Variants in PDE1C observed in about 807,000 individuals in gnomAD.
The protein encoded by PDE1C is phosphodiesterase 1C, also known as dual specificity calcium/calmodulin-dependent 3',5'-cyclic nucleotide phosphodiesterase 1C.
Under a neutral mutation model 93.1 loss-of-function variants are expected in PDE1C, and 62 were observed. That is an observed-to-expected ratio of 0.67 (90% confidence interval 0.54 to 0.82). The LOEUF (loss-of-function observed/expected upper bound fraction) is 0.82, where lower values mean the gene tolerates loss of function less well. Ranked by LOEUF, PDE1C falls within the 40% of genes least tolerant of loss-of-function variation. The probability of loss-of-function intolerance (pLI) is 0.00; values close to 1 mark genes in which losing one functional copy is unlikely to be tolerated. For missense variants in PDE1C, 742 were observed against 884.6 expected, an observed-to-expected ratio of 0.84 and a Z score of 2.04; for synonymous variants, 325 against 310.1, an observed-to-expected ratio of 1.05 and a Z score of -0.50.
chr7:32,350,547 AATATATAT>A (rs1180195472), intron 1 of PDE1C, among the ~76,000 whole-genome samples: 1 of 41,080 alleles, frequency 2.4e-5, no homozygotes, highest in African/African-American at 1.2e-4. Flanking sequence ...GCATTTGACT[AATATATAT>A]ATATATATAT....
chr7:32,357,811 A>G (rs1784061026), intron 1 of PDE1C, among the ~76,000 whole-genome samples: 1 of 152,182 alleles, frequency 6.6e-6, no homozygotes, highest in African/African-American at 2.4e-5. Context: ...CCAAGCTATC[A>G]GGTAGACATC....
chr7:31,955,599 A>T (rs2129020815), intron 2 of PDE1C, among the ~76,000 whole-genome samples: 1 of 152,302 alleles, frequency 6.6e-6, no homozygotes, highest in African/African-American at 2.4e-5. Flanking sequence ...CTTAAAATTT[A>T]AAAATTCCAA....
At chr7:32,401,080 T>C (rs1199315963) in intron 1 of PDE1C, among the ~76,000 whole-genome samples, 1 of 152,278 alleles carries the variant, frequency 6.6e-6, no homozygotes, top group Non-Finnish European at 1.5e-5. Context: ...TGCACTGTTA[T>C]CTAAAATAGT....
chr7:32,328,650 C>A (rs898897868), intron 1 of PDE1C, among the ~76,000 whole-genome samples: 1 of 152,136 alleles, frequency 6.6e-6, no homozygotes, highest in Non-Finnish European at 1.5e-5. Context: ...CCCATCCCCA[C>A]TCCACCCCTT....
intron 7 of PDE1C, among the ~76,000 whole-genome samples, chr7:31,855,240 T>G: frequency 6.6e-6 from 1 of 152,188 alleles, no homozygotes; most frequent in East Asian, 1.9e-4. Flanking sequence ...CCAAGAGTAT[T>G]CAGGGCATTG....
chr7:32,103,471 C>A (rs914592757), intron 3 of PDE1C, among the ~76,000 whole-genome samples: 2 of 152,096 alleles, frequency 1.3e-5, no homozygotes. Context: ...CCCACTTATG[C>A]CCAGGTAGCA....
chr7:32,058,303 A>C (rs1159938411), intron 1 of PDE1C, among the ~76,000 whole-genome samples: 1 of 152,192 alleles, frequency 6.6e-6, no homozygotes, highest in Non-Finnish European at 1.5e-5. Flanking sequence ...CTCAGCCCTC[A>C]GTTCTCTCAA....
At chr7:32,115,187 T>A (rs1350012000) in intron 3 of PDE1C, among the ~76,000 whole-genome samples, 2 of 152,102 alleles carry the variant, frequency 1.3e-5, no homozygotes, top group East Asian at 3.9e-4. Flanking sequence ...CAGCACTATT[T>A]ACAATAGCAA....
chr7:32,270,983 A>C (rs1381138294), intron 1 of PDE1C, among the ~76,000 whole-genome samples: 2 of 151,930 alleles, frequency 1.3e-5, no homozygotes, highest in Admixed American at 6.6e-5. Flanking sequence ...AAAGAAAAAA[A>C]AAAAATTAGC....
chr7:32,360,126 G>A (rs560321584), intron 1 of PDE1C, among the ~76,000 whole-genome samples: 1 of 152,254 alleles, frequency 6.6e-6, no homozygotes, highest in East Asian at 1.9e-4. Flanking sequence ...CCACCACTTA[G>A]AGGGCAGAGA....
At chr7:31,991,625 C>T (rs1218611574) in intron 2 of PDE1C, among the ~76,000 whole-genome samples, 2 of 152,210 alleles carry the variant, frequency 1.3e-5, no homozygotes, top group Admixed American at 1.3e-4. Context: ...GGCTCCCTTC[C>T]ATTCCTCCAT....
chr7:31,782,347 A>T (rs1158922), intron 16 of PDE1C, among the ~76,000 whole-genome samples: 105,052 of 152,086 alleles, frequency 0.69, 39,434 homozygotes, highest in Non-Finnish European at 0.85. Flanking sequence ...AAGTATCTAC[A>T]ATGATTAATT....
chr7:32,000,242 T>A (rs1785287602), intron 2 of PDE1C, among the ~76,000 whole-genome samples: 1 of 152,148 alleles, frequency 6.6e-6, no homozygotes. Flanking sequence ...GATAACAGTC[T>A]CTTAAAAGGT....
the PDE1C span, chr7:31,658,221 A>G: frequency 2.1e-6 from 3 of 1,448,854 alleles, no homozygotes; most frequent in Non-Finnish European, 2.7e-6. Context: ...AACACTTCCC[A>G]GAAAAATGTT....
At chr7:31,963,441 C>T (rs1419277916) in intron 2 of PDE1C, among the ~76,000 whole-genome samples, 1 of 152,172 alleles carries the variant, frequency 6.6e-6, no homozygotes, top group Non-Finnish European at 1.5e-5. Flanking sequence ...TTTATTCAGT[C>T]TTTATGTCCC....
chr7:32,419,348 G>A (rs1003313233), intron 1 of PDE1C, among the ~76,000 whole-genome samples: 1 of 152,138 alleles, frequency 6.6e-6, no homozygotes, highest in African/African-American at 2.4e-5. Flanking sequence ...TCAAAAAATA[G>A]TAGGTATAGA....
intron 1 of PDE1C, among the ~76,000 whole-genome samples, chr7:32,332,852 A>G (rs978108221): frequency 6.6e-6 from 1 of 152,188 alleles, no homozygotes; most frequent in Non-Finnish European, 1.5e-5. Flanking sequence ...TAGGATGATA[A>G]AAGTCAGGAG....
intron 3 of PDE1C, among the ~76,000 whole-genome samples, chr7:32,123,658 C>T (rs951172852): frequency 1.2e-4 from 19 of 152,142 alleles, no homozygotes; most frequent in African/African-American, 4.6e-4. Flanking sequence ...TTCAACATCC[C>T]TACATGTTAA....
chr7:32,290,368 G>C (rs576993125), intron 1 of PDE1C, among the ~76,000 whole-genome samples: 1 of 152,200 alleles, frequency 6.6e-6, no homozygotes, highest in South Asian at 2.1e-4. Context: ...GGAAGCAGCT[G>C]TGGGTCTGGA....
Sources: allele counts gnomAD v4.1 joint callset (sites outside exome capture counted in the v4.1 genomes callset), GRCh38; gene constraint gnomAD v4.1.1; transcripts MANE v1.5; gene names NCBI Gene and HGNC (gene_info 2026-07-23, HGNC 2026-07-21).